The following SUMF1 variants were observed in gnomAD, a reference collection of about 807,000 sequenced individuals.
SUMF1 encodes formylglycine-generating enzyme.
In SUMF1, 48 loss-of-function variants were observed where a neutral mutation model predicts 47.6. That is an observed-to-expected ratio of 1.01 (90% CI 0.80 to 1.28). The LOEUF is 1.28. Among genes scored for constraint, SUMF1 ranks in the 50% most tolerant of loss-of-function variants. SUMF1 has a pLI of 0.00. For missense variants in SUMF1, 571 were observed against 485.4 expected (o/e 1.18, Z -1.66); for synonymous variants, 230 against 192.1 (o/e 1.20, Z -1.63).
intron 8 of SUMF1, among the ~76,000 whole-genome samples, chr3:4,244,832 T>C (rs1042965237): frequency 6.6e-6 from 1 of 152,168 alleles, no homozygotes; most frequent in African/African-American, 2.4e-5. Context: ...GATAATATCC[T>C]GAAGGGTGTT....
At chr3:4,398,555 G>C (rs1243000745) in intron 7 of SUMF1, among the ~76,000 whole-genome samples, 1 of 152,154 alleles carries the variant, frequency 6.6e-6, no homozygotes, top group African/African-American at 2.4e-5. Flanking sequence ...CTATAGGAAT[G>C]GGAAATGGCA....
At chr3:4,069,403 G>A (rs1322893383) in intron 8 of SUMF1, among the ~76,000 whole-genome samples, 1 of 152,144 alleles carries the variant, frequency 6.6e-6, no homozygotes, top group African/African-American at 2.4e-5. Context: ...AGCTGTCATG[G>A]TCCTGAAATT....
intron 7 of SUMF1, among the ~76,000 whole-genome samples, chr3:4,406,929 G>T (rs1017447903): frequency 6.6e-6 from 1 of 152,114 alleles, no homozygotes; most frequent in African/African-American, 2.4e-5. Flanking sequence ...CTCAGACTTA[G>T]GCAACTGAAA....
chr3:4,250,828 T>A (rs527624757), intron 8 of SUMF1, among the ~76,000 whole-genome samples: 1 of 152,208 alleles, frequency 6.6e-6, no homozygotes, highest in Admixed American at 6.5e-5. Flanking sequence ...GACTTGCTAA[T>A]CAGAAAAAAA....
At chr3:4,262,147 C>G (rs935594140) in intron 8 of SUMF1, among the ~76,000 whole-genome samples, 1 of 152,122 alleles carries the variant, frequency 6.6e-6, no homozygotes, top group Non-Finnish European at 1.5e-5. Flanking sequence ...GGTAGTGTAA[C>G]TGCCCCTCCT....
intron 8 of SUMF1, among the ~76,000 whole-genome samples, chr3:4,188,803 A>G (rs1264406391): frequency 6.6e-6 from 1 of 152,208 alleles, no homozygotes; most frequent in Non-Finnish European, 1.5e-5. Context: ...TCATCCATGT[A>G]AAACATTTTG....
At chr3:4,262,620 T>C (rs1448936173) in intron 8 of SUMF1, among the ~76,000 whole-genome samples, 1 of 152,156 alleles carries the variant, frequency 6.6e-6, no homozygotes, top group Non-Finnish European at 1.5e-5. Flanking sequence ...CCAGCAGCTT[T>C]AGGCTTTACA....
At chr3:4,273,659 T>A (rs76538549) in intron 8 of SUMF1, among the ~76,000 whole-genome samples, 2,260 of 142,128 alleles carry the variant, frequency 0.016, 72 homozygotes, top group African/African-American at 0.057. Context: ...ATTAAGTAAA[T>A]TATACTCAAT....
chr3:4,091,799 G>A (rs1419757484), intron 8 of SUMF1, among the ~76,000 whole-genome samples: 3 of 151,796 alleles, frequency 2.0e-5, no homozygotes, highest in Admixed American at 2.0e-4. Context: ...TTACTCACAA[G>A]GACATACAGC....
intron 9 of SUMF1, among the ~76,000 whole-genome samples, chr3:4,037,139 A>G (rs1052507675): frequency 6.6e-6 from 1 of 152,224 alleles, no homozygotes; most frequent in Non-Finnish European, 1.5e-5. Flanking sequence ...ATACATTGAG[A>G]GAAGAGTGAT....
chr3:4,042,896 G>A (rs1343153890), intron 9 of SUMF1, among the ~76,000 whole-genome samples: 2 of 152,108 alleles, frequency 1.3e-5, no homozygotes, highest in African/African-American at 4.8e-5. Context: ...CAGTGCCCTT[G>A]CATCCCATCA....
Position 4,071,475 on chromosome 3 carries a change from C to T in SUMF1, c.1015-2730G>A, listed in dbSNP as rs565073709. Among the ~76,000 whole-genome samples, 6 of 152,312 alleles carry T rather than the reference C, an allele frequency of 3.9e-5. No homozygotes were observed. In the East Asian group the frequency reaches 9.6e-4, roughly 24 times the overall value. On this transcript the variant is annotated intron_variant and NMD_transcript_variant, in intron 8 of 12. Coordinates refer to the SUMF1 transcript ENST00000448413. ...GCACCTTTCCCATGGTCTTTGCAAC[C>T]AGCAGACCAGGAGATTCCCTATGGT...
At chr3:4,103,616 G>C (rs996652773) in intron 8 of SUMF1, among the ~76,000 whole-genome samples, 1 of 152,126 alleles carries the variant, frequency 6.6e-6, no homozygotes, top group African/African-American at 2.4e-5. Flanking sequence ...ATTGCAGCTT[G>C]ACTTTCTTAG....
intron 8 of SUMF1, among the ~76,000 whole-genome samples, chr3:4,153,397 G>A (rs1212709480): frequency 6.6e-6 from 1 of 151,110 alleles, no homozygotes; most frequent in East Asian, 1.9e-4. Flanking sequence ...TTTATTTTTT[G>A]TAGAGTTAGG....
At chr3:4,232,800 T>G (rs1358899223) in intron 8 of SUMF1, among the ~76,000 whole-genome samples, 1 of 152,074 alleles carries the variant, frequency 6.6e-6, no homozygotes, top group Non-Finnish European at 1.5e-5. Flanking sequence ...GTAGCTGTTG[T>G]GCGTTAAGAA....
chr3:4,107,174 T>C (rs544367058), intron 8 of SUMF1, among the ~76,000 whole-genome samples: 1 of 152,228 alleles, frequency 6.6e-6, no homozygotes, highest in Admixed American at 6.5e-5. Context: ...TTGAGAATTG[T>C]TCTTGGTTTT....
intron 8 of SUMF1, among the ~76,000 whole-genome samples, chr3:4,096,483 A>G (rs1692907232): frequency 6.6e-6 from 1 of 152,158 alleles, no homozygotes; most frequent in Non-Finnish European, 1.5e-5. Flanking sequence ...CAGCTTTTGT[A>G]GGTCCCTGAT....
At chr3:4,056,050 T>C (rs115089696) in intron 9 of SUMF1, among the ~76,000 whole-genome samples, 7,393 of 152,214 alleles carry the variant, frequency 0.049, 634 homozygotes, top group African/African-American at 0.17. Flanking sequence ...TGTGATTACA[T>C]TGGGCCCACC....
At chr3:4,346,070 A>G (rs1699367254) in intron 8 of SUMF1, among the ~76,000 whole-genome samples, 1 of 152,152 alleles carries the variant, frequency 6.6e-6, no homozygotes, top group South Asian at 2.1e-4. Context: ...CTCCCACACA[A>G]TAATAGTGGG....
Sources: allele counts gnomAD v4.1 joint callset (sites outside exome capture counted in the v4.1 genomes callset), GRCh38; gene constraint gnomAD v4.1.1; transcripts MANE v1.5; gene names NCBI Gene and HGNC (gene_info 2026-07-23, HGNC 2026-07-21).